The following FAM83G variants were observed in gnomAD, a reference collection of about 807,000 sequenced individuals.
FAM83G encodes protein FAM83G.
A neutral mutation model predicts 61.5 loss-of-function variants in FAM83G; 38 were observed. The observed-to-expected ratio is 0.62, with a 90% CI of 0.48 to 0.81. The LOEUF is 0.81. Ranked by LOEUF, FAM83G falls within the 30% of genes least tolerant of loss-of-function variation. FAM83G has a pLI of 0.00. For missense variants in FAM83G, 989 were observed against 1,133.6 expected, an observed-to-expected ratio of 0.87 and a Z score of 1.83; for synonymous variants, 470 against 476.1, an observed-to-expected ratio of 0.99 and a Z score of 0.17.
chr17:18,977,884 G>C lies in FAM83G; in HGVS notation c.1782C>G (p.Asp594Glu), dbSNP rs1004418613. 6.2e-7 allele frequency: 1 copy of C among 1,610,926 alleles called. No individual in the cohort carries two copies. The highest frequency in any genetic ancestry group is 8.5e-7 in the Non-Finnish European group (1 of 1,179,802). The change falls in exon 5 of 6, where the codon GAC becomes GAG. Residue 594 changes from aspartate (D) to glutamate (E), a missense_variant. Around this residue, in one of 3 missense-constraint regions of FAM83G, gnomAD observed 574 missense variants for 645.1 expected, o/e 0.89. Coordinates refer to ENST00000388995, the MANE Select transcript of FAM83G (RefSeq NM_001039999.3). ...DDDYVTLSDQDSHSGSSGRGP... is the reference protein window; with the variant it reads ...DDDYVTLSDQESHSGSSGRGP... ...CACGGCCGGAGCTGCCTGAGTGGCT[G>C]TCCTGGTCACTGAGGGTTACGTAGT...
In FAM83G at chr17:18,977,606, C is replaced by T. The variant is rs372199593; in HGVS notation, c.2060G>A (p.Arg687His). 1.3e-5 allele frequency: 21 copies of T among 1,608,918 alleles called. No individual in the cohort carries two copies. The highest frequency in any genetic ancestry group is 1.6e-4 in the Middle Eastern group (1 of 6,078). The part of the protein sequence containing the change: ...ADALKRMQAQ[R>H]STDKEAQGQQ... Reference sequence around the variant, plus strand: ...CACCTGTGCCTCCTTGTCTGTGGAGCGCTGGGCCTGCATCCTCTTCAACGC... The same window carrying T: ...CACCTGTGCCTCCTTGTCTGTGGAGTGCTGGGCCTGCATCCTCTTCAACGC... Residue 687 changes from arginine (R) to histidine (H), a missense_variant, in exon 5 of 6, where the codon CGC becomes CAC. Around this residue, in one of 3 missense-constraint regions of FAM83G, gnomAD observed 574 missense variants for 645.1 expected, o/e 0.89. Transcript: ENST00000388995.
At position 19,003,436 on chromosome 17, in the gene FAM83G, G is replaced by A; in HGVS notation, c.522+84C>T. The stretch of plus-strand genomic sequence containing the variant: ...CCCTAGAAGCCCATGTTGGGCTCCC[G>A]TTTTGGGCTCTGAGTGAGCCTGTAT... On this transcript the variant is annotated intron_variant, in intron 2 of 5. Coordinates refer to ENST00000388995, the MANE Select transcript of FAM83G (RefSeq NM_001039999.3). The surrounding 1 kb of genome is among the most constrained non-coding windows in gnomAD (Gnocchi z 4.5). The A allele has an allele frequency of 7.1e-7, 1 of 1,404,046 alleles. No individual in the cohort carries two copies. Among genetic ancestry groups the A allele is most frequent in the Non-Finnish European group, 9.4e-7 (1 of 1,067,602 alleles). The allele number at this position is 1,404,046 out of a possible 1,614,324, so 87.0% of individuals were successfully genotyped here.
In FAM83G at chr17:18,978,685, C is replaced by T. The variant is rs1266029895; in HGVS notation, c.981G>A (p.Val327=). The change falls in exon 5 of 6, where the codon GTG becomes GTA. Residue 327 remains valine, a synonymous_variant. Coordinates refer to ENST00000388995, the MANE Select transcript of FAM83G (RefSeq NM_001039999.3). ...MEKEPEPEPI[V]LPSVVPLVPA... ...GCACCAGGGGGACCACAGAGGGCAGCACAATAGGCTCCGGCTCCGGTTCCT... is the reference window on the plus strand; with the variant it reads ...GCACCAGGGGGACCACAGAGGGCAGTACAATAGGCTCCGGCTCCGGTTCCT... 1 of 1,613,018 alleles carries T rather than the reference C, an allele frequency of 6.2e-7. No homozygotes were observed. The highest frequency in any genetic ancestry group is 2.2e-5 in the East Asian group (1 of 44,876).
chr17:18,982,588 G>T (rs1480551063), intron 3 of FAM83G, among the ~76,000 whole-genome samples: 2 of 152,214 alleles, frequency 1.3e-5, no homozygotes, highest in Non-Finnish European at 2.9e-5. Flanking sequence ...TCAGGGCAGG[G>T]GAGGACGGCC....
intron 3 of FAM83G, among the ~76,000 whole-genome samples, chr17:18,980,849 G>A (rs2043113166): frequency 6.6e-6 from 1 of 152,136 alleles, no homozygotes; most frequent in Non-Finnish European, 1.5e-5. Context: ...GTCAGGCAGG[G>A]AATCTCAGTT....
rs2043786327 is a variant in FAM83G, at chr17:19,003,496, C to G, written c.522+24G>C. Reference sequence around the variant, plus strand: ...TCCGGTGGCTGGTTGGGCCATGGCTCCAGGAGTCCCCGCGCTGCCTCACCT... The same window carrying G: ...TCCGGTGGCTGGTTGGGCCATGGCTGCAGGAGTCCCCGCGCTGCCTCACCT... On this transcript the variant is annotated intron_variant, in intron 2 of 5. Coordinates refer to ENST00000388995, the MANE Select transcript of FAM83G (RefSeq NM_001039999.3). The surrounding 1 kb of genome is among the most constrained non-coding windows in gnomAD (Gnocchi z 4.5). 1.3e-6 allele frequency: 2 copies of G among 1,514,786 alleles called. No individual in the cohort carries two copies. The highest frequency in any genetic ancestry group is 2.8e-5 in the African/African-American group (2 of 71,682). The allele number at this position is 1,514,786 out of a possible 1,614,324, so 93.8% of individuals were successfully genotyped here.
At chr17:18,997,198 G>A (rs914196141) in intron 2 of FAM83G, among the ~76,000 whole-genome samples, 2 of 152,250 alleles carry the variant, frequency 1.3e-5, no homozygotes, top group African/African-American at 4.8e-5. Flanking sequence ...CTGACCAGGA[G>A]GCTCAGCCTA....
At chr17:18,978,977 G>T in intron 4 of FAM83G, 127 bp from the exon 5 acceptor site, 1 of 1,079,672 alleles carries the variant, frequency 9.3e-7, no homozygotes, top group Non-Finnish European at 1.3e-6. Flanking sequence ...AGTGAATGGG[G>T]GCAGAGAGCA....
At chr17:19,001,116 G>C (rs2043719210) in intron 2 of FAM83G, among the ~76,000 whole-genome samples, 1 of 152,178 alleles carries the variant, frequency 6.6e-6, no homozygotes, top group African/African-American at 2.4e-5. Flanking sequence ...AAATGAGACA[G>C]ATAACACTAG....
rs1323285143 is a variant in FAM83G at position 19,000,037 on chromosome 17, G to A, written c.522+3483C>T. On this transcript the variant is annotated intron_variant, in intron 2 of 5. Coordinates refer to ENST00000388995, the MANE Select transcript of FAM83G (RefSeq NM_001039999.3). This position sits in a 1 kb window ranked among gnomAD's most constrained non-coding sequence, Gnocchi z 5.2. ...AAGCCCCAACCCAGCCCAGCCTCAC[G>A]CCTTCTCAGGCTGCAGCCAAGTGAG... Among the ~76,000 whole-genome samples the A allele has an allele frequency of 6.6e-6, 1 of 152,218 alleles. No individual in the cohort carries two copies. Among genetic ancestry groups the A allele is most frequent in the Non-Finnish European group, 1.5e-5 (1 of 68,022 alleles).
At chr17:18,977,479 T>A (rs951039808) in intron 5 of FAM83G, 105 bp downstream of exon 5, 60 of 1,139,130 alleles carry the variant, frequency 5.3e-5, no homozygotes, top group Non-Finnish European at 4.5e-5. Flanking sequence ...GGAATTGAAG[T>A]CATCAGAGTC....
In FAM83G at chr17:18,978,335, A is replaced by T; in HGVS notation, c.1331T>A (p.Met444Lys). ...GGTGTCACGGATCTTGATGCGGTTC[A>T]TCTGGCTGGGCTGGGGGTTCCAGAT... ...PNIWNPQPSQ[M>K]NRIKIRDTSQ... Residue 444 changes from methionine to lysine, a missense_variant, in exon 5 of 6, where the codon ATG (methionine) becomes AAG (lysine). Coordinates refer to ENST00000388995, the MANE Select transcript of FAM83G (RefSeq NM_001039999.3). 1 of 1,605,810 alleles carries T rather than the reference A, an allele frequency of 6.2e-7. No individual in the cohort carries two copies. The highest frequency in any genetic ancestry group is 8.5e-7 in the Non-Finnish European group (1 of 1,176,510).
chr17:18,974,599 C>T lies in FAM83G; in HGVS notation c.2083-2851G>A, dbSNP rs140280076. On this transcript the variant is annotated intron_variant, in intron 5 of 5. Coordinates refer to ENST00000388995, the MANE Select transcript of FAM83G (RefSeq NM_001039999.3). ...GTAGCAGCCACCTCAGTCATAACAG[C>T]AACCACAGCTTTCGTGGGCAGCGTG... 4.7e-3 allele frequency among the ~76,000 whole-genome samples: 721 copies of T among 152,352 alleles called. 8 individuals carry two copies. The highest frequency in any genetic ancestry group is 0.031 in the South Asian group (148 of 4,824).
rs760113134 is a variant in FAM83G, at chr17:18,971,064, C to T, written c.*295G>A. 6.2e-7 allele frequency: 1 copy of T among 1,614,096 alleles called. No individual in the cohort carries two copies. Among genetic ancestry groups the T allele is most frequent in the Non-Finnish European group, 8.5e-7 (1 of 1,180,040 alleles). ...CAGCTGGAGGCAGCCTACGCCCAGGCCATTCCCTCCAGGACCATTGCCAAC... is the reference window on the plus strand; with the variant it reads ...CAGCTGGAGGCAGCCTACGCCCAGGTCATTCCCTCCAGGACCATTGCCAAC... On this transcript the variant is annotated 3_prime_UTR_variant, in exon 6 of 6. Coordinates refer to ENST00000388995, the MANE Select transcript of FAM83G (RefSeq NM_001039999.3). This position sits in a 1 kb window ranked among gnomAD's most constrained non-coding sequence, Gnocchi z 5.5.
chr17:18,980,841 C>T lies in FAM83G; in HGVS notation c.691-1168G>A, dbSNP rs188950629. On this transcript the variant is annotated intron_variant, in intron 3 of 5. Transcript: ENST00000388995. Reference sequence around the variant, plus strand: ...GGGTCTGACTCAGGAGGCCTGAGGTCAGGCAGGGAATCTCAGTTTTAACAC... The same window carrying T: ...GGGTCTGACTCAGGAGGCCTGAGGTTAGGCAGGGAATCTCAGTTTTAACAC... Among the ~76,000 whole-genome samples, 5 of 152,242 alleles carry T rather than the reference C, an allele frequency of 3.3e-5. No homozygotes were observed. The East Asian group carries it at 9.7e-4, about 29-fold the overall frequency.
chr17:18,984,257 G>A (rs528593268), intron 3 of FAM83G, among the ~76,000 whole-genome samples: 247 of 149,234 alleles, frequency 1.7e-3, no homozygotes, highest in African/African-American at 5.9e-3. Context: ...CAGGATAATG[G>A]CACGAACCCG....
At chr17:18,993,290 C>A (rs1235191147) in intron 2 of FAM83G, among the ~76,000 whole-genome samples, 4 of 152,132 alleles carry the variant, frequency 2.6e-5, no homozygotes, top group Non-Finnish European at 1.5e-5. Context: ...GGACAACTAC[C>A]TTTTTTCAAA....
intron 2 of FAM83G, among the ~76,000 whole-genome samples, chr17:18,989,130 C>G (rs1418142813): frequency 6.6e-6 from 1 of 152,220 alleles, no homozygotes; most frequent in Non-Finnish European, 1.5e-5. Context: ...GCCTACACTG[C>G]TGATGCAGAC....
intron 2 of FAM83G, among the ~76,000 whole-genome samples, chr17:18,994,441 T>G (rs1344331277): frequency 6.6e-6 from 1 of 152,060 alleles, no homozygotes; most frequent in African/African-American, 2.4e-5. Flanking sequence ...GGGAGAGAGC[T>G]GCACAGAGTG....
Sources: gnomAD v4.1 joint callset for allele counts (sites outside exome capture counted in the v4.1 genomes callset) on GRCh38, gnomAD v4.1.1 for gene constraint, gnomAD v4.1.1 regional missense constraint, Gnocchi (gnomAD v3.1) non-coding constraint, MANE v1.5 for transcripts, NCBI Gene and HGNC (gene_info 2026-07-23, HGNC 2026-07-21) for gene names.